ITGA11: variants seen among roughly 807,000 people sequenced by gnomAD.
ITGA11 encodes the protein integrin subunit alpha 11, also known as integrin alpha-11.
Under a neutral mutation model 141.9 loss-of-function variants are expected in ITGA11, and 97 were observed. The observed-to-expected ratio is 0.68, with a 90% CI of 0.58 to 0.81. ITGA11 has a LOEUF of 0.81. Ranked by LOEUF, ITGA11 falls within the 30% of genes least tolerant of loss-of-function variation. The pLI is 0.00. For missense variants in ITGA11, 1,387 were observed against 1,559.2 expected, an observed-to-expected ratio of 0.89 and a Z score of 1.86; for synonymous variants, 658 against 624.6, an observed-to-expected ratio of 1.05 and a Z score of -0.80.
rs1172562030 is a variant in ITGA11, at chr15:68,318,276, A to C, written c.2617-913T>G. 3.9e-5 allele frequency among the ~76,000 whole-genome samples: 6 copies of C among 152,164 alleles called. No homozygotes were observed. In the East Asian group the frequency reaches 1.2e-3, roughly 29 times the overall value. On this transcript the variant is annotated intron_variant, in intron 20 of 29. Transcript: ENST00000315757. ...CTTCTCTTTACCTCCACTCATTTCC[A>C]AAAGCTCTTCTGAGCCACAGAAACT... is the stretch of plus-strand genomic sequence containing the variant.
intron 24 of ITGA11, among the ~76,000 whole-genome samples, chr15:68,312,445 A>G (rs1893421503): frequency 6.6e-6 from 1 of 152,158 alleles, no homozygotes; most frequent in Non-Finnish European, 1.5e-5. Flanking sequence ...CTCCTGAATG[A>G]CTTTGTGAAG....
rs1162799700 is a variant in ITGA11 at position 68,361,721 on chromosome 15, A to G, written c.358-17T>C. On this transcript the variant is annotated splice_polypyrimidine_tract_variant and intron_variant, in intron 4 of 29. Coordinates refer to ENST00000315757, the MANE Select transcript of ITGA11 (RefSeq NM_001004439.2). ...GCTGCAGGCCTGGGGAGGGCAGTGC[A>G]GATCCCCAGTCAGTGAGGGGACCTC... 1.3e-6 allele frequency: 2 copies of G among 1,543,972 alleles called. No homozygotes were observed. The highest frequency in any genetic ancestry group is 2.3e-5 in the South Asian group (2 of 86,026).
intron 2 of ITGA11, among the ~76,000 whole-genome samples, chr15:68,402,631 C>T (rs138192363): frequency 6.6e-6 from 1 of 152,114 alleles, no homozygotes; most frequent in Non-Finnish European, 1.5e-5. Flanking sequence ...AACAATTGGT[C>T]CCCAGGTGCC....
At position 68,317,342 on chromosome 15, in the gene ITGA11, C is replaced by T. The variant is rs546078018; in HGVS notation, c.2638G>A (p.Glu880Lys). 1.9e-6 allele frequency: 3 copies of T among 1,613,724 alleles called. No homozygotes were observed. In the East Asian group the frequency reaches 6.7e-5, roughly 36 times the overall value. ...AGCCTCCTCTCCTCGTTCACACACTCAATGCTACCGTCTGAGTCCTCCTGG... is the reference window on the plus strand; with the variant it reads ...AGCCTCCTCTCCTCGTTCACACACTTAATGCTACCGTCTGAGTCCTCCTGG... The part of the protein sequence containing the change: ...IQKEDSDGSI[E>K]CVNEERRLQK... The change falls in exon 21 of 30, where the codon GAG becomes AAG. Residue 880 changes from glutamate to lysine, a missense_variant. Transcript: ENST00000315757.
intron 5 of ITGA11, among the ~76,000 whole-genome samples, chr15:68,360,271 T>G (rs1340177332): frequency 6.6e-6 from 1 of 152,236 alleles, no homozygotes; most frequent in African/African-American, 2.4e-5. Context: ...AGAAATTCCT[T>G]GATTTGGAGG....
In ITGA11 at chr15:68,303,896, AG is replaced by A. The variant is rs775809251; in HGVS notation, c.3382-12del. The A allele has an allele frequency of 2.6e-6, 4 of 1,542,910 alleles. No homozygotes were observed. The African/African-American group carries it at 4.1e-5, about 16-fold the overall frequency. ...GATCTCAAACACGATCTGCAAGGGGAGGGGGGCCGGGCCAACAGCATTACTC... is the reference window on the plus strand; with the variant it reads ...GATCTCAAACACGATCTGCAAGGGGAGGGGGCCGGGCCAACAGCATTACTC... On this transcript the variant is annotated splice_polypyrimidine_tract_variant and intron_variant, in intron 28 of 29. Transcript: ENST00000315757. This position sits in a 1 kb window ranked among gnomAD's most constrained non-coding sequence, Gnocchi z 5.3.
chr15:68,431,730 C>T (rs1378657003), intron 1 of ITGA11, among the ~76,000 whole-genome samples: 1 of 152,252 alleles, frequency 6.6e-6, no homozygotes, highest in Non-Finnish European at 1.5e-5. Flanking sequence ...CTAAGGCGCC[C>T]AGGAGGGCCA....
Position 68,335,093 on chromosome 15 carries a change from G to T in ITGA11, c.1425+604C>A, listed in dbSNP as rs758465406. Reference sequence around the variant, plus strand: ...GCAGGGAGCTGGGGACAACATGGAAGGGCCTGGACAGCACTCAGCTCTGGC... The same window carrying T: ...GCAGGGAGCTGGGGACAACATGGAATGGCCTGGACAGCACTCAGCTCTGGC... On this transcript the variant is annotated intron_variant, in intron 12 of 29. Transcript: ENST00000315757. The surrounding 1 kb of genome is among the most constrained non-coding windows in gnomAD (Gnocchi z 4.9). Among the ~76,000 whole-genome samples the T allele has an allele frequency of 2.0e-5, 3 of 152,166 alleles. No homozygotes were observed. Among genetic ancestry groups the T allele is most frequent in the Non-Finnish European group, 2.9e-5 (2 of 68,028 alleles).
intron 20 of ITGA11, 117 bp from the exon 21 acceptor site, chr15:68,317,480 A>C (rs371847695): frequency 2.7e-6 from 2 of 743,176 alleles, no homozygotes; most frequent in East Asian, 5.1e-5. Flanking sequence ...AGCCCCTGAT[A>C]CCCATATGAA....
Position 68,339,516 on chromosome 15 carries a change from G to A in ITGA11, c.1260C>T (p.Asn420=). 1 of 1,613,552 alleles carries A rather than the reference G, an allele frequency of 6.2e-7. No individual in the cohort carries two copies. The highest frequency in any genetic ancestry group is 8.5e-7 in the Non-Finnish European group (1 of 1,179,708). ...CGCTCTTACCCAGGTATGCACCATG[G>A]TTCTTGAGCTCCTCGGGGAACTCTT... ...YLKEFPEELK[N]HGAYLGYTVT... is the part of the protein sequence containing the mutation. The change falls in exon 11 of 30, where the codon AAC becomes AAT. Residue 420 remains asparagine (N), a synonymous_variant. Transcript: ENST00000315757.
chr15:68,411,086 A>T (rs950716178), intron 1 of ITGA11, among the ~76,000 whole-genome samples: 5 of 152,248 alleles, frequency 3.3e-5, no homozygotes, highest in African/African-American at 9.6e-5. Flanking sequence ...CTCTGCCTGC[A>T]TTGCCACATG....
intron 1 of ITGA11, among the ~76,000 whole-genome samples, chr15:68,420,940 G>T (rs1283077671): frequency 6.6e-6 from 1 of 152,346 alleles, no homozygotes; most frequent in Middle Eastern, 3.4e-3. Context: ...ATGCAGGGGG[G>T]TTGAATTTTA....
intron 1 of ITGA11, among the ~76,000 whole-genome samples, chr15:68,405,438 A>G (rs1896625946): frequency 6.6e-6 from 1 of 152,050 alleles, no homozygotes. Context: ...GCACGTGACT[A>G]TGTAGCTGCC....
chr15:68,431,929 G>A, intron 1 of ITGA11, 86 bp downstream of exon 1: 5 of 984,972 alleles, frequency 5.1e-6, no homozygotes, highest in Non-Finnish European at 6.7e-6. Context: ...GGAGGGTCGC[G>A]TCCCGATCCT....
intron 28 of ITGA11, among the ~76,000 whole-genome samples, chr15:68,306,309 T>TTC (rs151071516): frequency 2.1e-4 from 28 of 133,036 alleles, no homozygotes; most frequent in African/African-American, 4.1e-4. Flanking sequence ...AGAAGAAGGG[T>TTC]TCTCTCTCTC....
chr15:68,403,245 C>T (rs956938187), intron 1 of ITGA11, among the ~76,000 whole-genome samples: 7 of 152,174 alleles, frequency 4.6e-5, no homozygotes, highest in African/African-American at 7.2e-5. Context: ...ATTCCACCCC[C>T]GTCCTGGGGG....
At chr15:68,430,019 A>G (rs796894675) in intron 1 of ITGA11, among the ~76,000 whole-genome samples, 5 of 152,170 alleles carry the variant, frequency 3.3e-5, no homozygotes, top group African/African-American at 1.2e-4. Context: ...ATTCTCAGTT[A>G]CAGGCAGGAC....
At chr15:68,338,385 G>A (rs1002742426) in intron 11 of ITGA11, among the ~76,000 whole-genome samples, 10 of 152,238 alleles carry the variant, frequency 6.6e-5, no homozygotes, top group Non-Finnish European at 1.0e-4. Flanking sequence ...GAGGGCAGGC[G>A]CTGTGTCCTG....
intron 2 of ITGA11, among the ~76,000 whole-genome samples, chr15:68,383,971 G>A (rs1294598355): frequency 2.0e-5 from 3 of 152,130 alleles, no homozygotes; most frequent in African/African-American, 4.8e-5. Flanking sequence ...AACTGCCCAC[G>A]TTAAATTTAT....
Sources: gnomAD v4.1 joint callset for allele counts (sites outside exome capture counted in the v4.1 genomes callset) on GRCh38, gnomAD v4.1.1 for gene constraint, Gnocchi (gnomAD v3.1) non-coding constraint, MANE v1.5 for transcripts, NCBI Gene and HGNC (gene_info 2026-07-23, HGNC 2026-07-21) for gene names.